The following DENND1A variants were observed in gnomAD, a reference collection of about 807,000 sequenced individuals.
DENND1A encodes the protein DENN domain containing 1A, also known as DENN domain-containing protein 1A.
In DENND1A, 51 loss-of-function variants were observed where a neutral mutation model predicts 113.7. That is an observed-to-expected ratio of 0.45 (90% CI 0.36 to 0.57). The LOEUF is 0.57. Among genes scored for constraint, DENND1A ranks in the 20% least tolerant of loss-of-function variants. DENND1A has a pLI of 0.00. For missense variants in DENND1A, 1,258 were observed against 1,395.9 expected (o/e 0.90, Z 1.57); for synonymous variants, 565 against 570.8 (o/e 0.99, Z 0.14).
At chr9:123,442,191 T>A (rs2046978298) in intron 18 of DENND1A, among the ~76,000 whole-genome samples, 1 of 152,202 alleles carries the variant, frequency 6.6e-6, no homozygotes, top group Non-Finnish European at 1.5e-5. Context: ...TCCTAAGGAA[T>A]CAAGGCTGCC....
At position 123,422,616 on chromosome 9, in the gene DENND1A, G is replaced by A. The variant is rs148178036; in HGVS notation, c.1489-10787C>T. 7.2e-5 allele frequency among the ~76,000 whole-genome samples: 11 copies of A among 151,908 alleles called. No individual in the cohort carries two copies. Among genetic ancestry groups the A allele is most frequent in the African/African-American group, 1.9e-4 (8 of 41,384 alleles). ...CTGTGTCAAAGTCTACCCATCCACCGCCTCAGCAGAGTTTAAAATCCTAGC... is the reference window on the plus strand; with the variant it reads ...CTGTGTCAAAGTCTACCCATCCACCACCTCAGCAGAGTTTAAAATCCTAGC... On this transcript the variant is annotated intron_variant, in intron 19 of 23. Transcript: ENST00000394215. The surrounding 1 kb of genome is among the most constrained non-coding windows in gnomAD (Gnocchi z 4.8).
rs996402139 is a variant in DENND1A at position 123,511,136 on chromosome 9, G to A, written c.993+46434C>T. ...AGGCCCCAGATATCCCCACTCCTAG[G>A]AAGACTTCCCAGAGTCCCTCTCTGG... On this transcript the variant is annotated intron_variant, in intron 13 of 23. Transcript: ENST00000394215. 5.3e-5 allele frequency among the ~76,000 whole-genome samples: 8 copies of A among 152,256 alleles called. No homozygotes were observed. In the East Asian group the frequency reaches 5.8e-4, roughly 11 times the overall value.
At chr9:123,837,625 A>G (rs1446951814) in intron 2 of DENND1A, among the ~76,000 whole-genome samples, 2 of 152,200 alleles carry the variant, frequency 1.3e-5, no homozygotes, top group Admixed American at 6.5e-5. Flanking sequence ...ATTGTTCAAC[A>G]CTATATAAAG....
intron 20 of DENND1A, among the ~76,000 whole-genome samples, chr9:123,404,194 T>C (rs2043747104): frequency 1.3e-5 from 2 of 152,222 alleles, no homozygotes; most frequent in South Asian, 4.2e-4. Context: ...GGGATGGGTT[T>C]TTCTGACCCG....
intron 5 of DENND1A, among the ~76,000 whole-genome samples, chr9:123,722,337 A>C (rs547757430): frequency 6.6e-6 from 1 of 152,352 alleles, no homozygotes; most frequent in African/African-American, 2.4e-5. Context: ...AAAAGTTTGA[A>C]AAATTTGCAG....
At position 123,764,909 on chromosome 9, in the gene DENND1A, G is replaced by A. The variant is rs896979809; in HGVS notation, c.182+4605C>T. On this transcript the variant is annotated intron_variant, in intron 4 of 23. Coordinates refer to ENST00000394215, the MANE Select transcript of DENND1A (RefSeq NM_001352964.2). The surrounding 1 kb of genome is among the most constrained non-coding windows in gnomAD (Gnocchi z 4.1). The stretch of plus-strand genomic sequence containing the variant: ...CTGTCCACTAAGGCCCAGCTGCTTC[G>A]TTGTCATCAACACTGTAGAAAATAA... Among the ~76,000 whole-genome samples, 5 of 152,084 alleles carry A rather than the reference G, an allele frequency of 3.3e-5. No individual in the cohort carries two copies. The highest frequency in any genetic ancestry group is 2.1e-4 in the South Asian group (1 of 4,828).
At chr9:123,591,384 C>G (rs1178681925) in intron 11 of DENND1A, among the ~76,000 whole-genome samples, 1 of 152,158 alleles carries the variant, frequency 6.6e-6, no homozygotes, top group African/African-American at 2.4e-5. Flanking sequence ...GCAATGTCAG[C>G]CGGGGGATCT....
At chr9:123,566,740 C>A (rs943859174) in intron 12 of DENND1A, among the ~76,000 whole-genome samples, 4 of 152,152 alleles carry the variant, frequency 2.6e-5, no homozygotes, top group Non-Finnish European at 4.4e-5. Flanking sequence ...CCAGCCCTCT[C>A]CCCATGAGAT....
intron 3 of DENND1A, among the ~76,000 whole-genome samples, chr9:123,777,478 G>T (rs1054626870): frequency 6.6e-6 from 1 of 152,226 alleles, no homozygotes; most frequent in Admixed American, 6.5e-5. Flanking sequence ...CACAGGCTAT[G>T]TCACATACAT....
chr9:123,880,721 T>C (rs1296097752), intron 1 of DENND1A, among the ~76,000 whole-genome samples: 1 of 152,210 alleles, frequency 6.6e-6, no homozygotes, highest in Non-Finnish European at 1.5e-5. Context: ...AAAGGGATTC[T>C]AAAGTGACTT....
intron 21 of DENND1A, among the ~76,000 whole-genome samples, chr9:123,390,351 A>G (rs2042775626): frequency 6.6e-6 from 1 of 152,226 alleles, no homozygotes; most frequent in South Asian, 2.1e-4. Flanking sequence ...CTGTGGTACA[A>G]AAGTGCTCCC....
At chr9:123,564,784 A>G (rs2057954812) in intron 12 of DENND1A, among the ~76,000 whole-genome samples, 1 of 152,182 alleles carries the variant, frequency 6.6e-6, no homozygotes, top group Non-Finnish European at 1.5e-5. Context: ...AGTGGCTACC[A>G]TATTGGACAA....
At chr9:123,675,250 A>C (rs2064003456) in intron 6 of DENND1A, among the ~76,000 whole-genome samples, 1 of 152,320 alleles carries the variant, frequency 6.6e-6, no homozygotes, top group Non-Finnish European at 1.5e-5. Context: ...CTTTCCTCCA[A>C]AACAGCATTT....
intron 5 of DENND1A, among the ~76,000 whole-genome samples, chr9:123,729,285 T>G (rs1379393962): frequency 2.0e-5 from 3 of 152,010 alleles, no homozygotes; most frequent in African/African-American, 7.3e-5. Context: ...AAGAAAGAAA[T>G]AAAGGGCATT....
intron 8 of DENND1A, among the ~76,000 whole-genome samples, chr9:123,660,455 T>TA (rs145768477): frequency 4.9e-4 from 72 of 146,744 alleles, no homozygotes; most frequent in East Asian, 1.2e-3. Flanking sequence ...TGAGAAGACT[T>TA]AAAAAAAAAA....
At chr9:123,616,236 T>A (rs559655076) in intron 10 of DENND1A, among the ~76,000 whole-genome samples, 1 of 152,186 alleles carries the variant, frequency 6.6e-6, no homozygotes, top group Non-Finnish European at 1.5e-5. Context: ...GGCCATTTTA[T>A]AGACTTAAAA....
intron 3 of DENND1A, among the ~76,000 whole-genome samples, chr9:123,773,079 G>A (rs1251144464): frequency 6.6e-6 from 1 of 152,112 alleles, no homozygotes; most frequent in Admixed American, 6.5e-5. Context: ...TTCCAAAAGG[G>A]TTTTTCTTCC....
intron 11 of DENND1A, among the ~76,000 whole-genome samples, chr9:123,584,432 G>A (rs894181879): frequency 1.2e-4 from 18 of 152,274 alleles, no homozygotes; most frequent in Non-Finnish European, 2.4e-4. Context: ...CGTGCCTGCC[G>A]AGTGGCACCA....
intron 13 of DENND1A, among the ~76,000 whole-genome samples, chr9:123,540,275 T>C (rs2056188165): frequency 6.6e-6 from 1 of 152,220 alleles, no homozygotes; most frequent in African/African-American, 2.4e-5. Context: ...ATTACATTTA[T>C]TCTTCCCATT....
Sources: gnomAD v4.1 joint callset for allele counts (sites outside exome capture counted in the v4.1 genomes callset) on GRCh38, gnomAD v4.1.1 for gene constraint, Gnocchi (gnomAD v3.1) non-coding constraint, MANE v1.5 for transcripts, NCBI Gene and HGNC (gene_info 2026-07-23, HGNC 2026-07-21) for gene names.